MAGI1: variants seen among roughly 807,000 people sequenced by gnomAD.
MAGI1 encodes the protein membrane-associated guanylate kinase, WW and PDZ domain-containing protein 1.
A neutral mutation model predicts 139.9 loss-of-function variants in MAGI1; 58 were observed. That is an observed-to-expected ratio of 0.41 (90% confidence interval 0.34 to 0.52). The LOEUF is 0.52. MAGI1 is among the 20% of genes least tolerant of loss of function. The pLI is 0.12. For synonymous variants in MAGI1, 812 were observed against 737.9 expected, an observed-to-expected ratio of 1.10 and a Z score of -1.63; for missense variants, 1,874 against 1,901.6, an observed-to-expected ratio of 0.99 and a Z score of 0.27.
Position 65,520,674 on chromosome 3 carries a change from A to T in MAGI1, c.431-27043T>A, listed in dbSNP as rs188087193. Among the ~76,000 whole-genome samples the T allele has an allele frequency of 3.9e-5, 6 of 152,224 alleles. No individual in the cohort carries two copies. The East Asian group carries it at 1.2e-3, about 29-fold the overall frequency. Reference sequence around the variant, plus strand: ...CAAAAATGGAAGCTTCTGTGGCACAACTCCCGGATTTCCACTACATTAAGA... The same window carrying T: ...CAAAAATGGAAGCTTCTGTGGCACATCTCCCGGATTTCCACTACATTAAGA... On this transcript the variant is annotated intron_variant, in intron 2 of 22. Coordinates refer to ENST00000402939, the MANE Select transcript of MAGI1 (RefSeq NM_001033057.2).
At chr3:65,793,692 AG>A (rs1355262239) in intron 1 of MAGI1, among the ~76,000 whole-genome samples, 1 of 151,996 alleles carries the variant, frequency 6.6e-6, no homozygotes, top group Non-Finnish European at 1.5e-5. Flanking sequence ...GAGCAGCTGC[AG>A]GTCTGCATCT....
intron 2 of MAGI1, among the ~76,000 whole-genome samples, chr3:65,529,550 T>C (rs751292734): frequency 1.6e-4 from 25 of 152,224 alleles, no homozygotes; most frequent in Admixed American, 5.9e-4. Context: ...TTCCTTTTCA[T>C]GGCTGAGCAG....
At chr3:65,390,613 A>G (rs751655630) in intron 14 of MAGI1, among the ~76,000 whole-genome samples, 1 of 152,216 alleles carries the variant, frequency 6.6e-6, no homozygotes, top group Non-Finnish European at 1.5e-5. Context: ...AAAGCACTGG[A>G]TAAGTAATTA....
At chr3:65,618,304 C>T (rs913036016) in intron 2 of MAGI1, among the ~76,000 whole-genome samples, 2 of 151,954 alleles carry the variant, frequency 1.3e-5, no homozygotes, top group African/African-American at 4.8e-5. Context: ...TGTTTACAAG[C>T]ATTGCAAAGG....
intron 1 of MAGI1, chr3:65,872,867 A>AT (rs796566640): frequency 2.0e-5 from 3 of 152,288 alleles, no homozygotes; most frequent in African/African-American, 7.2e-5. Flanking sequence ...AAACAAATAT[A>AT]TGGTAATAGA....
intron 1 of MAGI1, among the ~76,000 whole-genome samples, chr3:65,881,113 T>A (rs1275791702): frequency 2.0e-5 from 3 of 151,992 alleles, no homozygotes; most frequent in Non-Finnish European, 4.4e-5. Flanking sequence ...CTTGAACTCC[T>A]GAGCTCAAGC....
At chr3:65,824,412 T>C (rs2042114548) in intron 1 of MAGI1, among the ~76,000 whole-genome samples, 1 of 152,120 alleles carries the variant, frequency 6.6e-6, no homozygotes. Context: ...ACATATACCA[T>C]TACATGAGTG....
chr3:65,539,023 G>C (rs1237403518), intron 2 of MAGI1, among the ~76,000 whole-genome samples: 1 of 151,470 alleles, frequency 6.6e-6, no homozygotes, highest in Non-Finnish European at 1.5e-5. Context: ...CCATCAAACA[G>C]ACACACATAC....
intron 1 of MAGI1, among the ~76,000 whole-genome samples, chr3:65,900,973 G>T (rs947598232): frequency 6.6e-6 from 1 of 152,174 alleles, no homozygotes; most frequent in African/African-American, 2.4e-5. Flanking sequence ...AAGTAAGAGC[G>T]CATTCAGCAG....
rs565790040 is a variant in MAGI1 at position 65,896,272 on chromosome 3, T to C, written c.313+141724A>G. On this transcript the variant is annotated intron_variant, in intron 1 of 22. Coordinates refer to ENST00000402939, the MANE Select transcript of MAGI1 (RefSeq NM_001033057.2). The stretch of plus-strand genomic sequence containing the variant: ...CCAGCGTATATAATAAGTATTTTTA[T>C]TATTATCACTAACAGCAGTAATCAC... Among the ~76,000 whole-genome samples the C allele has an allele frequency of 2.0e-5, 3 of 151,928 alleles. No individual in the cohort carries two copies. In the South Asian group the frequency reaches 6.2e-4, roughly 32 times the overall value.
intron 2 of MAGI1, among the ~76,000 whole-genome samples, chr3:65,534,009 A>C (rs1197810132): frequency 6.6e-6 from 1 of 152,216 alleles, no homozygotes; most frequent in Non-Finnish European, 1.5e-5. Context: ...AGATGACTGA[A>C]GCCTGACAGC....
Position 65,638,114 on chromosome 3 carries a change from T to C in MAGI1, c.314-16026A>G, listed in dbSNP as rs114874034. On this transcript the variant is annotated intron_variant, in intron 1 of 22. Transcript: ENST00000402939. Reference sequence around the variant, plus strand: ...TCCTGACTTTGCCATCTGCTGCCTCTGTGTGTTCTTGGGCAACTTACTTAA... The same window carrying C: ...TCCTGACTTTGCCATCTGCTGCCTCCGTGTGTTCTTGGGCAACTTACTTAA... 4.9e-3 allele frequency among the ~76,000 whole-genome samples: 741 copies of C among 152,282 alleles called. 8 individuals carry two copies. The highest frequency in any genetic ancestry group is 0.017 in the African/African-American group (718 of 41,572).
At chr3:65,372,297 G>C (rs888054169) in intron 18 of MAGI1, among the ~76,000 whole-genome samples, 4 of 152,178 alleles carry the variant, frequency 2.6e-5, no homozygotes, top group Non-Finnish European at 4.4e-5. Context: ...GGGTGACCAG[G>C]TGTATTGTCC....
intron 1 of MAGI1, among the ~76,000 whole-genome samples, chr3:65,703,029 G>A (rs1422507110): frequency 1.3e-5 from 2 of 151,962 alleles, no homozygotes; most frequent in Admixed American, 6.6e-5. Context: ...CAGAGACACT[G>A]AGAGGACGGG....
At chr3:65,806,593 CTT>C (rs2040870378) in intron 1 of MAGI1, among the ~76,000 whole-genome samples, 2 of 152,222 alleles carry the variant, frequency 1.3e-5, no homozygotes, top group Admixed American at 6.5e-5. Context: ...ATCTCGGAAA[CTT>C]CTCTGGCTCA....
chr3:65,700,952 G>A (rs1366813047), intron 1 of MAGI1, among the ~76,000 whole-genome samples: 2 of 152,094 alleles, frequency 1.3e-5, no homozygotes, highest in Non-Finnish European at 2.9e-5. Flanking sequence ...GAACATGAAG[G>A]CTGGGACCCC....
At chr3:65,784,274 G>GGTATGCATACAA (rs1274247994) in intron 1 of MAGI1, among the ~76,000 whole-genome samples, 1 of 152,164 alleles carries the variant, frequency 6.6e-6, no homozygotes, top group Non-Finnish European at 1.5e-5. Context: ...CACATTCCTA[G>GGTATGCATACAA]GAGCAATCCC....
At chr3:66,001,876 G>C (rs2066758724) in intron 1 of MAGI1, among the ~76,000 whole-genome samples, 2 of 152,314 alleles carry the variant, frequency 1.3e-5, no homozygotes, top group South Asian at 4.1e-4. Context: ...GAAGCTGAAA[G>C]CTCTCACATA....
At position 65,457,677 on chromosome 3, in the gene MAGI1, T is replaced by C. The variant is rs148763763; in HGVS notation, c.960-4337A>G. Among the ~76,000 whole-genome samples the C allele has an allele frequency of 3.7e-3, 562 of 152,268 alleles. 3 individuals are homozygous for C. Among genetic ancestry groups the C allele is most frequent in the African/African-American group, 0.012 (507 of 41,572 alleles). On this transcript the variant is annotated intron_variant, in intron 5 of 22. Coordinates refer to ENST00000402939, the MANE Select transcript of MAGI1 (RefSeq NM_001033057.2). ...TAAATTTTAAATTTTTGTGGGTACA[T>C]GGTAGGTGCACATATTTATGAGGTG...
Sources: gnomAD v4.1 joint callset for allele counts (sites outside exome capture counted in the v4.1 genomes callset) on GRCh38, gnomAD v4.1.1 for gene constraint, MANE v1.5 for transcripts, NCBI Gene and HGNC (gene_info 2026-07-23, HGNC 2026-07-21) for gene names.